GSE1: variants seen among roughly 807,000 people sequenced by gnomAD.
GSE1 encodes the protein Gse1 coiled-coil protein.
A neutral mutation model predicts 112.6 loss-of-function variants in GSE1; 32 were observed. The observed-to-expected ratio is 0.28, with a 90% CI of 0.21 to 0.38. The LOEUF is 0.38. Among genes scored for constraint, GSE1 ranks in the 10% least tolerant of loss-of-function variants. GSE1 has a pLI of 1.00. For synonymous variants in GSE1, 1,115 were observed against 735.6 expected (o/e 1.52, Z -8.35); for missense variants, 2,348 against 1,699.2 (o/e 1.38, Z -6.71).
At position 85,311,022 on chromosome 16, in the gene GSE1, G is replaced by T. The variant is rs564806289; in HGVS notation, c.2284-46441G>T. 1.3e-5 allele frequency among the ~76,000 whole-genome samples: 2 copies of T among 152,206 alleles called. No homozygotes were observed. The highest frequency in any genetic ancestry group is 1.9e-4 in the East Asian group (1 of 5,198). On this transcript the variant is annotated intron_variant, in intron 1 of 2. Coordinates refer to the GSE1 transcript ENST00000637419. This position sits in a 1 kb window ranked among gnomAD's most constrained non-coding sequence, Gnocchi z 4.2. ...TTTGAGGCTAAATATAAACCCAGCCGCCTTTCCGCGGCCGTCAGCAATGGC... is the reference window on the plus strand; with the variant it reads ...TTTGAGGCTAAATATAAACCCAGCCTCCTTTCCGCGGCCGTCAGCAATGGC...
intron 1 of GSE1, among the ~76,000 whole-genome samples, chr16:85,633,359 C>G (rs1034223360): frequency 6.6e-6 from 1 of 152,144 alleles, no homozygotes; most frequent in African/African-American, 2.4e-5. Context: ...GAGTTGGGGC[C>G]TTAGTTTCCT....
At chr16:85,319,871 C>A (rs551131115) in intron 1 of GSE1, among the ~76,000 whole-genome samples, 1 of 152,312 alleles carries the variant, frequency 6.6e-6, no homozygotes, top group South Asian at 2.1e-4. Flanking sequence ...TGAGGCAGCA[C>A]CTAGCATGGT....
chr16:85,354,504 C>G (rs923776231), intron 1 of GSE1, among the ~76,000 whole-genome samples: 5 of 152,244 alleles, frequency 3.3e-5, no homozygotes, highest in African/African-American at 1.2e-4. Flanking sequence ...TTGCTGCCTT[C>G]TTTCCTTATA....
intron 1 of GSE1, among the ~76,000 whole-genome samples, chr16:85,353,572 A>G (rs2046893339): frequency 6.6e-6 from 1 of 152,214 alleles, no homozygotes; most frequent in African/African-American, 2.4e-5. Flanking sequence ...GATTGCATCC[A>G]CCTGTAGTCC....
At chr16:85,628,808 A>G (rs55877556) in intron 1 of GSE1, among the ~76,000 whole-genome samples, 1,557 of 152,342 alleles carry the variant, frequency 0.01, 10 homozygotes, top group Middle Eastern at 0.027. Flanking sequence ...AGACACTGCC[A>G]GTAGCCTCAA....
chr16:85,181,890 G>A (rs1247242969), intron 1 of GSE1, among the ~76,000 whole-genome samples: 2 of 152,196 alleles, frequency 1.3e-5, no homozygotes, highest in African/African-American at 4.8e-5. Context: ...CAGCTGCAGC[G>A]CCAGCTCTGT....
chr16:85,267,010 G>A (rs1193773832), intron 1 of GSE1, among the ~76,000 whole-genome samples: 1 of 152,224 alleles, frequency 6.6e-6, no homozygotes, highest in Admixed American at 6.5e-5. Context: ...CTTGGGCTCC[G>A]AGACGGCTGG....
At chr16:85,443,982 CTTT>C (rs67916368) in intron 2 of GSE1, among the ~76,000 whole-genome samples, 24 of 77,630 alleles carry the variant, frequency 3.1e-4, no homozygotes, top group East Asian at 1.7e-3. Flanking sequence ...CAAGGGGGCG[CTTT>C]TTTTTTTTTT....
At chr16:85,615,818 G>A (rs1485887805) in intron 1 of GSE1, among the ~76,000 whole-genome samples, 1 of 152,236 alleles carries the variant, frequency 6.6e-6, no homozygotes, top group Admixed American at 6.5e-5. Context: ...TTAAGCCACA[G>A]CCTCTGGGTT....
intron 2 of GSE1, among the ~76,000 whole-genome samples, chr16:85,464,083 G>A (rs1367742877): frequency 1.3e-5 from 2 of 152,130 alleles, no homozygotes; most frequent in Admixed American, 6.5e-5. Context: ...GGGGGACGAC[G>A]CCATCCCCCA....
chr16:85,416,387 C>T (rs2048702607), intron 2 of GSE1, among the ~76,000 whole-genome samples: 1 of 152,058 alleles, frequency 6.6e-6, no homozygotes, highest in African/African-American at 2.4e-5. Context: ...TTCAGAGCCC[C>T]CAAGTGGGAG....
intron 1 of GSE1, among the ~76,000 whole-genome samples, chr16:85,188,276 C>CTGTT (rs2074749884): frequency 1.3e-5 from 2 of 151,820 alleles, no homozygotes; most frequent in Admixed American, 1.3e-4. Flanking sequence ...GACCGTCTGT[C>CTGTT]TGCGGGCCCT....
intron 2 of GSE1, among the ~76,000 whole-genome samples, chr16:85,473,871 T>G (rs941090925): frequency 1.4e-4 from 22 of 151,834 alleles, no homozygotes; most frequent in African/African-American, 4.8e-4. Context: ...AGCGTCTGTC[T>G]GTAGCACTCT....
chr16:85,469,859 A>C (rs532856573), intron 2 of GSE1, among the ~76,000 whole-genome samples: 1 of 152,250 alleles, frequency 6.6e-6, no homozygotes, highest in East Asian at 1.9e-4. Context: ...TAGGGACACC[A>C]CGAGTGGGAG....
At chr16:85,346,744 A>G (rs1304621989) in intron 1 of GSE1, among the ~76,000 whole-genome samples, 51 of 113,020 alleles carry the variant, frequency 4.5e-4, no homozygotes, top group African/African-American at 8.2e-4. Context: ...TGGACAGGTG[A>G]GTGGATGGTG....
intron 1 of GSE1, among the ~76,000 whole-genome samples, chr16:85,232,998 A>C (rs1904304714): frequency 1.3e-5 from 2 of 152,274 alleles, no homozygotes; most frequent in Non-Finnish European, 2.9e-5. Flanking sequence ...AGCTGAGGTC[A>C]GAGATGGCAG....
At chr16:85,559,650 C>T (rs923479973) in intron 1 of GSE1, among the ~76,000 whole-genome samples, 15 of 107,300 alleles carry the variant, frequency 1.4e-4, no homozygotes, top group African/African-American at 4.3e-4. Flanking sequence ...GGTTTGAAGT[C>T]AGGCTCTGCC....
upstream of GSE1, chr16:85,555,447 C>G: frequency 1.0e-6 from 1 of 983,836 alleles, no homozygotes. Context: ...GCTCCCCAGC[C>G]TGCTTTCTCC....
chr16:85,439,387 T>G (rs889188496), intron 2 of GSE1, among the ~76,000 whole-genome samples: 1 of 152,190 alleles, frequency 6.6e-6, no homozygotes, highest in Non-Finnish European at 1.5e-5. Flanking sequence ...GCCATCTGGC[T>G]CTCTCAGCCT....
Sources: allele counts gnomAD v4.1 joint callset (sites outside exome capture counted in the v4.1 genomes callset), GRCh38; gene constraint gnomAD v4.1.1; non-coding constraint Gnocchi (gnomAD v3.1); transcripts MANE v1.5; gene names NCBI Gene and HGNC (gene_info 2026-07-23, HGNC 2026-07-21).